The following CDH20 variants were observed in gnomAD, a reference collection of about 807,000 sequenced individuals.
The protein encoded by CDH20 is cadherin 20, also known as cadherin-20.
A neutral mutation model predicts 74.2 loss-of-function variants in CDH20; 29 were observed. The ratio of observed to expected loss-of-function variants is 0.39; its 90% confidence interval spans 0.29 to 0.53. CDH20 has a LOEUF of 0.53. Ranked by LOEUF, CDH20 falls within the 20% of genes least tolerant of loss-of-function variation. The probability of loss-of-function intolerance (pLI) is 0.69; values close to 1 mark genes in which losing one functional copy is unlikely to be tolerated. For missense variants in CDH20, 988 were observed against 1,048.3 expected (o/e 0.94, Z 0.79); for synonymous variants, 469 against 405.4 (o/e 1.16, Z -1.88).
intron 6 of CDH20, among the ~76,000 whole-genome samples, chr18:61,518,981 G>T (rs1912098717): frequency 6.6e-6 from 1 of 151,096 alleles, no homozygotes; most frequent in South Asian, 2.1e-4. Flanking sequence ...GCATACACAA[G>T]TATCAACAGT....
chr18:61,400,142 C>A (rs948915042), intron 1 of CDH20, among the ~76,000 whole-genome samples: 1 of 152,130 alleles, frequency 6.6e-6, no homozygotes, highest in African/African-American at 2.4e-5. Context: ...AGACTGTTAC[C>A]AAGTGAGGGG....
intron 1 of CDH20, among the ~76,000 whole-genome samples, chr18:61,382,183 C>T (rs1442070658): frequency 2.0e-5 from 3 of 152,268 alleles, no homozygotes; most frequent in African/African-American, 7.2e-5. Flanking sequence ...TTTTAAATCA[C>T]CCTTCAAAAA....
At chr18:61,439,288 A>G (rs1908945973) in intron 1 of CDH20, among the ~76,000 whole-genome samples, 1 of 152,208 alleles carries the variant, frequency 6.6e-6, no homozygotes, top group Non-Finnish European at 1.5e-5. Flanking sequence ...ATTTCAAATC[A>G]GTTTTTTTAA....
intron 4 of CDH20, 130 bp from the exon 5 acceptor site, chr18:61,502,823 T>A: frequency 1.5e-6 from 1 of 650,426 alleles, no homozygotes; most frequent in South Asian, 3.1e-5. Context: ...TACCTCAAAT[T>A]TAAAAGCACA....
intron 11 of CDH20, among the ~76,000 whole-genome samples, chr18:61,551,000 C>T (rs1482842150): frequency 6.6e-6 from 1 of 152,200 alleles, no homozygotes; most frequent in Non-Finnish European, 1.5e-5. Flanking sequence ...AGTGACTAAA[C>T]AGGGTCAGTT....
intron 1 of CDH20, among the ~76,000 whole-genome samples, chr18:61,347,694 T>C (rs145025410): frequency 6.6e-6 from 1 of 152,158 alleles, no homozygotes; most frequent in Non-Finnish European, 1.5e-5. Context: ...TAATTAAGGA[T>C]GTGTTGTCAA....
At chr18:61,510,827 TAAC>T (rs1245330854) in intron 6 of CDH20, among the ~76,000 whole-genome samples, 3 of 152,204 alleles carry the variant, frequency 2.0e-5, no homozygotes, top group Non-Finnish European at 4.4e-5. Flanking sequence ...GTGATTAAAA[TAAC>T]AATACTATTT....
intron 7 of CDH20, among the ~76,000 whole-genome samples, chr18:61,530,299 T>C (rs1388831494): frequency 6.6e-6 from 1 of 152,224 alleles, no homozygotes; most frequent in Non-Finnish European, 1.5e-5. Flanking sequence ...ATGAACTCCC[T>C]GGCTCTCATT....
chr18:61,377,564 C>G (rs1046666671), intron 1 of CDH20, among the ~76,000 whole-genome samples: 12 of 151,038 alleles, frequency 7.9e-5, no homozygotes, highest in Non-Finnish European at 1.6e-4. Flanking sequence ...CTTTGGTGAC[C>G]ACTTCAGAAA....
chr18:61,515,745 A>G (rs1368661715), intron 6 of CDH20, among the ~76,000 whole-genome samples: 1 of 136,206 alleles, frequency 7.3e-6, no homozygotes, highest in Non-Finnish European at 1.5e-5. Context: ...ACATGGACAC[A>G]GGAAGGGGAA....
At chr18:61,471,480 T>C (rs1332741096) in intron 1 of CDH20, among the ~76,000 whole-genome samples, 1 of 152,224 alleles carries the variant, frequency 6.6e-6, no homozygotes, top group East Asian at 1.9e-4. Flanking sequence ...CTGTTATCAA[T>C]TGCTTCTCTT....
chr18:61,520,044 T>C (rs55788508), intron 6 of CDH20, among the ~76,000 whole-genome samples: 2,551 of 149,602 alleles, frequency 0.017, 57 homozygotes, highest in Non-Finnish European at 0.026. Flanking sequence ...AGGCCAGGCG[T>C]GGTGGCTCAC....
chr18:61,465,677 A>G (rs763524627), intron 1 of CDH20, among the ~76,000 whole-genome samples: 1 of 152,180 alleles, frequency 6.6e-6, no homozygotes, highest in Non-Finnish European at 1.5e-5. Context: ...TTGAAAATTA[A>G]CATTGAAATG....
intron 1 of CDH20, among the ~76,000 whole-genome samples, chr18:61,458,399 G>T (rs774679410): frequency 2.6e-5 from 4 of 152,154 alleles, no homozygotes; most frequent in Non-Finnish European, 5.9e-5. Flanking sequence ...TTGGGGGAAA[G>T]CAGGGTCAGG....
In CDH20 at chr18:61,339,074, T is replaced by G. The variant is rs150102859; in HGVS notation, c.-153+5247T>G. Reference sequence around the variant, plus strand: ...ATTATTTCTTTCAATTGACAAGACTTGCCTGTGACCGTTAGTAATAATTAT... The same window carrying G: ...ATTATTTCTTTCAATTGACAAGACTGGCCTGTGACCGTTAGTAATAATTAT... On this transcript the variant is annotated intron_variant, in intron 1 of 11. Coordinates refer to ENST00000262717, the MANE Select transcript of CDH20 (RefSeq NM_031891.4). Among the ~76,000 whole-genome samples, 20 of 152,278 alleles carry G rather than the reference T, an allele frequency of 1.3e-4. 1 individual carries two copies. In the East Asian group the frequency reaches 3.7e-3, roughly 28 times the overall value.
intron 1 of CDH20, among the ~76,000 whole-genome samples, chr18:61,372,619 A>C (rs4941014): frequency 0.25 from 38,059 of 152,040 alleles, 5,690 homozygotes; most frequent in East Asian, 0.69. Flanking sequence ...TGGTTGGGAA[A>C]AAAATCAAAA....
intron 1 of CDH20, among the ~76,000 whole-genome samples, chr18:61,485,597 T>C (rs1195057695): frequency 6.6e-6 from 1 of 152,152 alleles, no homozygotes; most frequent in East Asian, 1.9e-4. Context: ...AATTAAGCTA[T>C]CACTTTTACT....
intron 1 of CDH20, among the ~76,000 whole-genome samples, chr18:61,389,913 C>A (rs982950809): frequency 6.6e-6 from 1 of 152,184 alleles, no homozygotes; most frequent in Non-Finnish European, 1.5e-5. Flanking sequence ...TATTTTCTCT[C>A]TTTCTGGTGA....
At chr18:61,475,633 A>C (rs1910346708) in intron 1 of CDH20, among the ~76,000 whole-genome samples, 1 of 152,224 alleles carries the variant, frequency 6.6e-6, no homozygotes, top group African/African-American at 2.4e-5. Flanking sequence ...GACTTTAGAC[A>C]TCCTTAAAAG....
Sources: allele counts gnomAD v4.1 joint callset (sites outside exome capture counted in the v4.1 genomes callset), GRCh38; gene constraint gnomAD v4.1.1; transcripts MANE v1.5; gene names NCBI Gene and HGNC (gene_info 2026-07-23, HGNC 2026-07-21).